ABHD12: variants seen among roughly 807,000 people sequenced by gnomAD.
ABHD12 encodes lysophosphatidylserine lipase ABHD12.
Under a neutral mutation model 58.3 loss-of-function variants are expected in ABHD12, and 43 were observed. The ratio of observed to expected loss-of-function variants is 0.74; its 90% CI spans 0.58 to 0.95. ABHD12 has a LOEUF of 0.95. Ranked by LOEUF, ABHD12 falls within the 40% of genes least tolerant of loss-of-function variation. ABHD12 has a pLI of 0.00. For missense variants in ABHD12, 539 were observed against 537.2 expected, an observed-to-expected ratio of 1.00 and a Z score of -0.03; for synonymous variants, 219 against 211.2, an observed-to-expected ratio of 1.04 and a Z score of -0.32.
chr20:25,370,227 A>G (rs1019803590), intron 1 of ABHD12, among the ~76,000 whole-genome samples: 6 of 152,142 alleles, frequency 3.9e-5, no homozygotes, highest in African/African-American at 1.4e-4. Context: ...ACTGGGGTAC[A>G]CAGGTCTCCC....
chr20:25,326,428 A>C (rs2089178784), intron 2 of ABHD12, among the ~76,000 whole-genome samples: 1 of 152,194 alleles, frequency 6.6e-6, no homozygotes, highest in African/African-American at 2.4e-5. Context: ...ACTTTCTAAT[A>C]GGCCCAGGAG....
intron 10 of ABHD12, among the ~76,000 whole-genome samples, chr20:25,304,407 C>T (rs1440278264): frequency 1.3e-5 from 2 of 152,260 alleles, no homozygotes; most frequent in Non-Finnish European, 2.9e-5. Context: ...CCCACCTGAG[C>T]TCAGGAAAGC....
At chr20:25,357,646 C>T (rs1167708035) in intron 1 of ABHD12, among the ~76,000 whole-genome samples, 1 of 152,090 alleles carries the variant, frequency 6.6e-6, no homozygotes, top group Non-Finnish European at 1.5e-5. Flanking sequence ...AAATATTATG[C>T]AACATATATA....
intron 6 of ABHD12, among the ~76,000 whole-genome samples, chr20:25,313,059 C>T (rs1283162765): frequency 1.3e-5 from 2 of 152,214 alleles, no homozygotes; most frequent in Non-Finnish European, 2.9e-5. Flanking sequence ...CCCCTCTGCC[C>T]GGCTGCCACC....
intron 10 of ABHD12, among the ~76,000 whole-genome samples, chr20:25,306,180 CAAA>C (rs11474922): frequency 7.3e-6 from 1 of 137,586 alleles, no homozygotes; most frequent in Non-Finnish European, 1.6e-5. Flanking sequence ...AAAACAAAAA[CAAA>C]AAAAAAAAAA....
Position 25,307,967 on chromosome 20 carries a change from A to G in ABHD12, c.866T>C (p.Val289Ala). 6.3e-7 allele frequency: 1 copy of G among 1,581,458 alleles called. No individual in the cohort carries two copies. The highest frequency in any genetic ancestry group is 8.7e-7 in the Non-Finnish European group (1 of 1,150,328). ...ATTTTTAATAAAATCTGTACTTGCC[A>G]CTGAAAATGGATGGCTCTTAGCTTC... The part of the protein sequence containing the change: ...REEAKSHPFS[V>A]IYRYFPGFDW... The change falls in exon 9 of 13, where the codon GTG (valine) becomes GCG (alanine). Residue 289 changes from valine to alanine, a missense_variant and splice_region_variant. Physicochemically the swap from Val to Ala is moderately conservative, Grantham distance 64. Coordinates refer to ENST00000339157, the MANE Select transcript of ABHD12 (RefSeq NM_001042472.3).
At chr20:25,355,427 C>T (rs1040973892) in intron 1 of ABHD12, among the ~76,000 whole-genome samples, 10 of 152,250 alleles carry the variant, frequency 6.6e-5, no homozygotes, top group Non-Finnish European at 1.2e-4. Flanking sequence ...TCTGTTGCCA[C>T]TTCCCCCTTT....
At chr20:25,325,515 G>A (rs1293492976) in intron 2 of ABHD12, among the ~76,000 whole-genome samples, 2 of 152,154 alleles carry the variant, frequency 1.3e-5, no homozygotes, top group Non-Finnish European at 2.9e-5. Flanking sequence ...TTATAAAATG[G>A]GGACATTTAG....
rs544063718 is a variant in ABHD12, at chr20:25,329,468, C to T, written c.317-6038G>A. Among the ~76,000 whole-genome samples, 34 of 152,324 alleles carry T rather than the reference C, an allele frequency of 2.2e-4. No individual in the cohort carries two copies. The South Asian group carries it at 4.4e-3, about 20-fold the overall frequency. ...GTTTTCATTGTCCACCCTCCAGTCA[C>T]GTCATCATGTACCAGCAACCACAAA... On this transcript the variant is annotated intron_variant, in intron 2 of 12. Transcript: ENST00000339157.
chr20:25,322,381 A>ATATATATATATATTTTTTTT, intron 3 of ABHD12, among the ~76,000 whole-genome samples: 30 of 59,256 alleles, frequency 5.1e-4, no homozygotes, highest in Non-Finnish European at 7.7e-4. Context: ...ATATATATAT[A>ATATATATATATATTTTTTTT]TTTTTTTTTT....
At chr20:25,297,083 T>C, downstream of ABHD12, 1 of 159,324 alleles carries the variant, frequency 6.3e-6, no homozygotes, top group Non-Finnish European at 1.4e-5. Flanking sequence ...CCCTGCCCTC[T>C]GTCCTGGCTC....
chr20:25,375,226 G>A (rs943355140), intron 1 of ABHD12, among the ~76,000 whole-genome samples: 2 of 152,162 alleles, frequency 1.3e-5, no homozygotes, highest in East Asian at 1.9e-4. Flanking sequence ...CTCTGGAATC[G>A]AGAGAAAATA....
intron 1 of ABHD12, among the ~76,000 whole-genome samples, chr20:25,340,564 G>A (rs73107411): frequency 0.094 from 14,276 of 152,270 alleles, 722 homozygotes; most frequent in Non-Finnish European, 0.11. Flanking sequence ...AACAGAAAGA[G>A]TGCCAGGGGC....
At chr20:25,314,872 C>T in intron 6 of ABHD12, 53 bp downstream of exon 6, 1 of 1,601,242 alleles carries the variant, frequency 6.2e-7, no homozygotes, top group Non-Finnish European at 8.6e-7. Flanking sequence ...CCATGGGATA[C>T]CGCCAGCAAG....
chr20:25,365,001 A>T (rs1172128389), intron 1 of ABHD12, among the ~76,000 whole-genome samples: 2 of 152,204 alleles, frequency 1.3e-5, no homozygotes, highest in African/African-American at 4.8e-5. Context: ...TACATTTCCC[A>T]GCTCAACATG....
chr20:25,360,794 G>A (rs759811900), intron 1 of ABHD12, among the ~76,000 whole-genome samples: 6 of 152,150 alleles, frequency 3.9e-5, no homozygotes, highest in Non-Finnish European at 7.3e-5. Flanking sequence ...TACCCGTGGC[G>A]GGAGGATCAG....
At chr20:25,334,555 T>C (rs975974998) in intron 2 of ABHD12, among the ~76,000 whole-genome samples, 5 of 152,174 alleles carry the variant, frequency 3.3e-5, no homozygotes, top group African/African-American at 9.7e-5. Flanking sequence ...TTTCAAACTA[T>C]ACTACAAGGC....
intron 3 of ABHD12, among the ~76,000 whole-genome samples, chr20:25,322,283 T>C (rs551174230): frequency 4.7e-5 from 7 of 149,376 alleles, no homozygotes; most frequent in Non-Finnish European, 1.0e-4. Flanking sequence ...GCCAACACCA[T>C]CATCATCAGC....
At chr20:25,360,227 CTTTTTTTTTTTT>C (rs576215687) in intron 1 of ABHD12, among the ~76,000 whole-genome samples, 1,194 of 37,402 alleles carry the variant, frequency 0.032, 23 homozygotes, top group Middle Eastern at 0.12. Context: ...GAACACGTTA[CTTTTTTTTTTTT>C]TTTTTTTTTT....
Sources: gnomAD v4.1 joint callset for allele counts (sites outside exome capture counted in the v4.1 genomes callset) on GRCh38, gnomAD v4.1.1 for gene constraint, MANE v1.5 for transcripts, NCBI Gene and HGNC (gene_info 2026-07-23, HGNC 2026-07-21) for gene names.